The following ARHGEF1 variants were observed in gnomAD, a reference collection of about 807,000 sequenced individuals.
ARHGEF1 encodes Rho guanine nucleotide exchange factor 1.
ARHGEF1 carries 40 observed loss-of-function variants against 119.7 expected under a neutral mutation model. That is an observed-to-expected ratio of 0.33 (90% confidence interval 0.26 to 0.44). The LOEUF (loss-of-function observed/expected upper bound fraction) is 0.44. Ranked by LOEUF, ARHGEF1 falls within the 20% of genes least tolerant of loss-of-function variation. The pLI is 1.00. For missense variants in ARHGEF1, 976 were observed against 1,268.3 expected (o/e 0.77, Z 3.50); for synonymous variants, 494 against 521.0 (o/e 0.95, Z 0.71).
In ARHGEF1 at chr19:41,898,510, G is replaced by C; in HGVS notation, c.1190G>C (p.Gly397Ala). ...GAGCTTGAACCAGAAGAGCCTCCCG[G>C]CTGGCGGGAACTCGTCCCCCCAGAC... The part of the protein sequence containing the change: ...GLELEPEEPP[G>A]WRELVPPDTL... The change falls in exon 14 of 29, where the codon GGC (glycine) becomes GCC (alanine). Residue 397 changes from glycine (G) to alanine (A), a missense_variant. Around this residue, in one of 3 missense-constraint regions of ARHGEF1, gnomAD observed 519 missense variants for 580.9 expected, o/e 0.89. Coordinates refer to ENST00000354532, the MANE Select transcript of ARHGEF1 (RefSeq NM_004706.4). The C allele has an allele frequency of 6.4e-7, 1 of 1,556,934 alleles. No individual in the cohort carries two copies. The highest frequency in any genetic ancestry group is 8.7e-7 in the Non-Finnish European group (1 of 1,150,480).
rs1319103586 is a variant in ARHGEF1, at chr19:41,895,455, T to A, written c.984T>A (p.Pro328=). ...ACACCCCTGGAGTCTCTCTGCACCC[T>A]CTGTCCCTGGACAGCCCAGACCGGG... is the stretch of plus-strand genomic sequence containing the variant. The part of the protein sequence containing the change: ...GQDTPGVSLH[P]LSLDSPDREP... The change falls in exon 12 of 29, where the codon CCT becomes CCA. Residue 328 remains proline (P), a synonymous_variant. Transcript: ENST00000354532. The A allele has an allele frequency of 4.3e-6, 7 of 1,611,288 alleles. No homozygotes were observed. The African/African-American group carries it at 9.4e-5, about 22-fold the overall frequency.
At chr19:41,909,217 C>G (rs992129719), downstream of ARHGEF1, 186 of 1,231,366 alleles carry the variant, frequency 1.5e-4, no homozygotes, top group Middle Eastern at 1.2e-3. The surrounding 1 kb of genome is among the most constrained non-coding windows in gnomAD (Gnocchi z 5.2). Flanking sequence ...CTCAGACTGT[C>G]CCCTCCCCAG....
upstream of ARHGEF1, among the ~76,000 whole-genome samples, chr19:41,922,934 C>T (rs1241814207): frequency 1.3e-5 from 2 of 152,196 alleles, no homozygotes; most frequent in Non-Finnish European, 2.9e-5. Flanking sequence ...CTCTGCCCAC[C>T]TCTCCCTCCA....
intron 7 of ARHGEF1, 198 bp downstream of exon 7, chr19:41,893,047 C>T: frequency 9.6e-7 from 1 of 1,046,564 alleles, no homozygotes. Context: ...TTGGGGTTCC[C>T]TTGTCATTTC....
At position 41,916,795 on chromosome 19, in the gene ARHGEF1, G is replaced by C; in HGVS notation, c.1866-6297G>C. On this transcript the variant is annotated intron_variant, in intron 18 of 20. Transcript: ENST00000599589. This position sits in a 1 kb window ranked among gnomAD's most constrained non-coding sequence, Gnocchi z 5.4. Reference sequence around the variant, plus strand: ...ACACACACACCCATTCACAGACACAGTCACAATCACACACACACACCAAGA... The same window carrying C: ...ACACACACACCCATTCACAGACACACTCACAATCACACACACACACCAAGA... Among the ~76,000 whole-genome samples the C allele has an allele frequency of 6.6e-6, 1 of 151,976 alleles. No individual in the cohort carries two copies. Among genetic ancestry groups the C allele is most frequent in the East Asian group, 1.9e-4 (1 of 5,162 alleles).
intron 14 of ARHGEF1, 28 bp from the exon 15 acceptor site, chr19:41,901,859 C>T (rs202064989): frequency 6.4e-5 from 102 of 1,602,856 alleles, no homozygotes; most frequent in Non-Finnish European, 8.3e-5. Context: ...CCCTCCCCAA[C>T]ATGCTTCCTG....
intron 13 of ARHGEF1, chr19:41,897,196 G>A (rs1018230296): frequency 1.6e-5 from 17 of 1,030,396 alleles, no homozygotes; most frequent in Admixed American, 4.8e-5. Context: ...CAGCTGGGGG[G>A]CAGGCTCTGC....
chr19:41,903,797 C>G lies in ARHGEF1; in HGVS notation c.1917+13C>G, dbSNP rs376075744. On this transcript the variant is annotated intron_variant, in intron 20 of 28. Coordinates refer to ENST00000354532, the MANE Select transcript of ARHGEF1 (RefSeq NM_004706.4). The surrounding 1 kb of genome is among the most constrained non-coding windows in gnomAD (Gnocchi z 4.2). ...GAGCGAGTTCAAGGTGTGACCATAC[C>G]CTCCTGCCTCCCCCGCCCCCCTACT... The G allele has an allele frequency of 3.2e-5, 52 of 1,612,312 alleles. No individual in the cohort carries two copies. The highest frequency in any genetic ancestry group is 4.3e-5 in the Non-Finnish European group (51 of 1,179,604).
At chr19:41,908,123 C>T (rs2074728674), downstream of ARHGEF1, 1 of 922,256 alleles carries the variant, frequency 1.1e-6, no homozygotes, top group Middle Eastern at 3.8e-4. The surrounding 1 kb of genome is among the most constrained non-coding windows in gnomAD (Gnocchi z 6.7). Context: ...GTGCCCAGAC[C>T]TGGGAGGTGC....
intron 1 of ARHGEF1, chr19:41,884,223 C>T: frequency 1.7e-6 from 1 of 590,098 alleles, no homozygotes; most frequent in Non-Finnish European, 3.0e-6. Flanking sequence ...GATACGGAAA[C>T]GCTGGCCCTC....
At chr19:41,887,362 G>T (rs1168516423) in intron 1 of ARHGEF1, among the ~76,000 whole-genome samples, 1 of 152,166 alleles carries the variant, frequency 6.6e-6, no homozygotes, top group African/African-American at 2.4e-5. Flanking sequence ...ACGTAGGGTG[G>T]AGGGGACAGA....
upstream of ARHGEF1, among the ~76,000 whole-genome samples, chr19:41,919,430 ATCAC>A (rs1441676498): frequency 1.3e-5 from 2 of 152,284 alleles, no homozygotes; most frequent in South Asian, 2.1e-4. Context: ...GACACACAGT[ATCAC>A]TCAATTGTTA....
chr19:41,895,110 C>G (rs1555847259), intron 11 of ARHGEF1, among the ~76,000 whole-genome samples: 1 of 147,780 alleles, frequency 6.8e-6, no homozygotes, highest in East Asian at 2.0e-4. Flanking sequence ...TGGGGGAGTT[C>G]CTGGGTCTGA....
chr19:41,897,196 G>T (rs1018230296), intron 13 of ARHGEF1: 4 of 1,030,526 alleles, frequency 3.9e-6, no homozygotes, highest in Admixed American at 4.8e-5. Flanking sequence ...CAGCTGGGGG[G>T]CAGGCTCTGC....
At position 41,903,422 on chromosome 19, in the gene ARHGEF1, G is replaced by A; in HGVS notation, c.1839+15G>A. On this transcript the variant is annotated intron_variant, in intron 19 of 28. Coordinates refer to ENST00000354532, the MANE Select transcript of ARHGEF1 (RefSeq NM_004706.4). This position sits in a 1 kb window ranked among gnomAD's most constrained non-coding sequence, Gnocchi z 4.2. ...AGGACCTGCTGGTGAGCCTGGGCTG[G>A]CCCCACACCCGGGACAGTGGATGGT... 1.2e-6 allele frequency: 2 copies of A among 1,612,522 alleles called. No homozygotes were observed. The highest frequency in any genetic ancestry group is 1.7e-4 in the Middle Eastern group (1 of 6,054).
downstream of ARHGEF1, chr19:41,908,402 AG>A: frequency 8.1e-7 from 1 of 1,231,148 alleles, no homozygotes; most frequent in East Asian, 3.2e-5. The surrounding 1 kb of genome is among the most constrained non-coding windows in gnomAD (Gnocchi z 6.7). Context: ...GCGCCAGGCG[AG>A]GGGCCGCTGC....
chr19:41,886,022 G>A (rs912570252), intron 1 of ARHGEF1, among the ~76,000 whole-genome samples: 13 of 152,186 alleles, frequency 8.5e-5, no homozygotes, highest in Non-Finnish European at 1.6e-4. Flanking sequence ...TGGGATTACA[G>A]GTGTGAGCCA....
Position 41,904,480 on chromosome 19 carries a change from G to A in ARHGEF1, c.2161+97G>A, listed in dbSNP as rs1307623622. On this transcript the variant is annotated intron_variant, in intron 22 of 28. Coordinates refer to ENST00000354532, the MANE Select transcript of ARHGEF1 (RefSeq NM_004706.4). The surrounding 1 kb of genome is among the most constrained non-coding windows in gnomAD (Gnocchi z 8.4). ...GCAGAACCCTCTAGAGAGCCAGGGA[G>A]CCAGCATTCTAGCAAAGAGGTTGAG... 2.9e-6 allele frequency: 4 copies of A among 1,377,146 alleles called. No individual in the cohort carries two copies. The African/African-American group carries it at 4.4e-5, about 15-fold the overall frequency. 85.3% of individuals were successfully genotyped at this position (1,377,146 alleles called of 1,614,324 possible).
Position 41,905,907 on chromosome 19 carries a change from G to T in ARHGEF1, c.2405-32G>T. The T allele has an allele frequency of 6.2e-7, 1 of 1,613,810 alleles. No individual in the cohort carries two copies. The highest frequency in any genetic ancestry group is 8.5e-7 in the Non-Finnish European group (1 of 1,179,694). ...GAGGCATCCACAGGAGGCCCGGCAG[G>T]ATCTGAGCTCCCTCTCTGTTCCCCA... On this transcript the variant is annotated intron_variant, in intron 25 of 28. Transcript: ENST00000354532. The surrounding 1 kb of genome is among the most constrained non-coding windows in gnomAD (Gnocchi z 6.4).
Sources: allele counts gnomAD v4.1 joint callset (sites outside exome capture counted in the v4.1 genomes callset), GRCh38; gene constraint gnomAD v4.1.1; regional missense constraint gnomAD v4.1.1; non-coding constraint Gnocchi (gnomAD v3.1); transcripts MANE v1.5; gene names NCBI Gene and HGNC (gene_info 2026-07-23, HGNC 2026-07-21).